The following GNAO1 variants were observed in gnomAD, a reference collection of about 807,000 sequenced individuals.
The protein encoded by GNAO1 is G protein subunit alpha o1.
For missense variants in GNAO1, 166 were observed against 478.7 expected, an observed-to-expected ratio of 0.35 and a Z score of 6.10; for synonymous variants, 164 against 180.7, an observed-to-expected ratio of 0.91 and a Z score of 0.74.
At position 56,312,287 on chromosome 16, in the gene GNAO1, G is replaced by A. The variant is rs571033092; in HGVS notation, c.304-16344G>A. Among the ~76,000 whole-genome samples, 17 of 152,294 alleles carry A rather than the reference G, an allele frequency of 1.1e-4. No homozygotes were observed. In the East Asian group the frequency reaches 1.3e-3, roughly 12 times the overall value. On this transcript the variant is annotated intron_variant, in intron 3 of 8. Transcript: ENST00000262493. ...AAGTCTCATAACCCATCTGATCTTC[G>A]GTTTGTCTGAGTATAAAATGGGGGA...
At chr16:56,255,641 G>A (rs970441468) in intron 2 of GNAO1, 1 of 152,084 alleles carries the variant, frequency 6.6e-6, no homozygotes, top group East Asian at 1.9e-4. Context: ...AACTGTGTGA[G>A]CCTTTTCAAT....
chr16:56,345,038 G>A (rs901648047), intron 6 of GNAO1: 1 of 985,422 alleles, frequency 1.0e-6, no homozygotes, highest in Non-Finnish European at 1.2e-6. Flanking sequence ...TTGGACCCAG[G>A]CCAGCACAAA....
rs573162259 is a variant in GNAO1 at position 56,333,813 on chromosome 16, C to T, written c.465-916C>T. Among the ~76,000 whole-genome samples, 32 of 152,382 alleles carry T rather than the reference C, an allele frequency of 2.1e-4. No individual in the cohort carries two copies. In the East Asian group the frequency reaches 4.6e-3, roughly 22 times the overall value. On this transcript the variant is annotated intron_variant, in intron 4 of 8. Coordinates refer to ENST00000262493, the MANE Select transcript of GNAO1 (RefSeq NM_020988.3). ...TTCTGTGGTTCAGACACTTGGGGCT[C>T]CTCCCTGTGGGCTGCTTGTGGTTTG... is the stretch of plus-strand genomic sequence containing the variant.
chr16:56,355,067 A>T lies in GNAO1; in HGVS notation c.*14A>T. ...GGCTTGTACTGACCTCTTGTCCTGT[A>T]TAGCAACCTATTTGGTAATGATTCC... On this transcript the variant is annotated 3_prime_UTR_variant, in exon 8 of 9. Coordinates refer to ENST00000262493, the MANE Select transcript of GNAO1 (RefSeq NM_020988.3). 1 of 1,577,522 alleles carries T rather than the reference A, an allele frequency of 6.3e-7. No individual in the cohort carries two copies. Among genetic ancestry groups the T allele is most frequent in the Non-Finnish European group, 8.7e-7 (1 of 1,150,528 alleles).
chr16:56,312,120 C>A (rs551566430), intron 3 of GNAO1, among the ~76,000 whole-genome samples: 3 of 152,146 alleles, frequency 2.0e-5, no homozygotes, highest in Non-Finnish European at 4.4e-5. Context: ...CTCCTACTCA[C>A]GGGCCTCCAT....
At chr16:56,309,270 C>G (rs1254712761) in intron 3 of GNAO1, among the ~76,000 whole-genome samples, 1 of 152,112 alleles carries the variant, frequency 6.6e-6, no homozygotes, top group Non-Finnish European at 1.5e-5. Context: ...CCTGGGCTCC[C>G]TGCAACTGTG....
chr16:56,317,335 C>T (rs886611188), intron 3 of GNAO1, among the ~76,000 whole-genome samples: 24 of 152,202 alleles, frequency 1.6e-4, no homozygotes, highest in African/African-American at 5.8e-4. Context: ...GGCTGCTCTC[C>T]CTCCACCCCG....
intron 3 of GNAO1, among the ~76,000 whole-genome samples, chr16:56,312,449 A>G (rs1388866962): frequency 6.6e-6 from 1 of 152,132 alleles, no homozygotes; most frequent in Non-Finnish European, 1.5e-5. Flanking sequence ...TTGTCTGTCT[A>G]TCTGAGTCCC....
At chr16:56,338,579 A>G (rs1000881388) in intron 6 of GNAO1, among the ~76,000 whole-genome samples, 1 of 152,134 alleles carries the variant, frequency 6.6e-6, no homozygotes, top group Admixed American at 6.5e-5. Context: ...TTTCAAAGAG[A>G]GCAAAGGAGC....
intron 2 of GNAO1, among the ~76,000 whole-genome samples, chr16:56,247,482 G>GTTTTTTTTTTT (rs61650674): frequency 8.4e-6 from 1 of 119,674 alleles, no homozygotes; most frequent in Non-Finnish European, 1.7e-5. Context: ...TTAGGGTGAG[G>GTTTTTTTTTTT]TTTTTTTTTT....
intron 3 of GNAO1, among the ~76,000 whole-genome samples, chr16:56,304,194 G>A (rs1043811933): frequency 2.0e-5 from 3 of 152,198 alleles, no homozygotes; most frequent in African/African-American, 7.2e-5. Flanking sequence ...CCTCACCGGG[G>A]AGAGCAGAGA....
rs560333820 is a variant in GNAO1, at chr16:56,311,010, T to C, written c.304-17621T>C. 6.6e-6 allele frequency among the ~76,000 whole-genome samples: 1 copy of C among 152,296 alleles called. No homozygotes were observed. The highest frequency in any genetic ancestry group is 2.1e-4 in the South Asian group (1 of 4,808). ...TTTCATTGATTTCAACTTAGTTACA[T>C]GGCAGGTTGTGGCCTACAGAAAAGT... On this transcript the variant is annotated intron_variant, in intron 3 of 8. Coordinates refer to ENST00000262493, the MANE Select transcript of GNAO1 (RefSeq NM_020988.3). The surrounding 1 kb of genome is among the most constrained non-coding windows in gnomAD (Gnocchi z 5.2).
chr16:56,219,116 A>G (rs2036461681), intron 2 of GNAO1, among the ~76,000 whole-genome samples: 1 of 152,218 alleles, frequency 6.6e-6, no homozygotes, highest in Admixed American at 6.5e-5. Flanking sequence ...ATCATGGGGC[A>G]TGACCACCTA....
chr16:56,198,073 C>A lies in GNAO1; in HGVS notation c.161+5457C>A, dbSNP rs182701908. Among the ~76,000 whole-genome samples the A allele has an allele frequency of 1.2e-3, 182 of 152,146 alleles. 1 individual carries two copies. Among genetic ancestry groups the A allele is most frequent in the Middle Eastern group, 3.4e-3 (1 of 294 alleles). ...AAAAAACAAAACAAAACAAAAAAAA[C>A]CACATTTTGGAAAGAGTTACCCTCA... On this transcript the variant is annotated intron_variant, in intron 2 of 8. Transcript: ENST00000262493.
chr16:56,315,560 C>T lies in GNAO1; in HGVS notation c.304-13071C>T, dbSNP rs1051468409. Among the ~76,000 whole-genome samples the T allele has an allele frequency of 9.9e-5, 15 of 152,232 alleles. No homozygotes were observed. In the East Asian group the frequency reaches 2.9e-3, roughly 29 times the overall value. On this transcript the variant is annotated intron_variant, in intron 3 of 8. Transcript: ENST00000262493. The stretch of plus-strand genomic sequence containing the variant: ...GGAGAGATACCCAGGAGGTGTAGAA[C>T]AGGGGTCTGGACCCACTGAGGGGAG...
intron 2 of GNAO1, among the ~76,000 whole-genome samples, chr16:56,239,351 A>G (rs2036672140): frequency 6.6e-6 from 1 of 152,218 alleles, no homozygotes; most frequent in African/African-American, 2.4e-5. Flanking sequence ...GAGAAAAAAG[A>G]CTTATGTTTT....
intron 3 of GNAO1, among the ~76,000 whole-genome samples, chr16:56,277,523 T>A (rs1173671125): frequency 6.6e-6 from 1 of 152,150 alleles, no homozygotes; most frequent in Non-Finnish European, 1.5e-5. Flanking sequence ...TTCTTCTTAA[T>A]AACAATAGTA....
intron 3 of GNAO1, 45 bp downstream of exon 3, chr16:56,276,117 G>C (rs776835586): frequency 6.4e-7 from 1 of 1,553,792 alleles, no homozygotes; most frequent in Non-Finnish European, 8.8e-7. Context: ...GGTTCTGTCT[G>C]TGTTACCCCA....
At chr16:56,327,548 C>T (rs542443346) in intron 3 of GNAO1, among the ~76,000 whole-genome samples, 37 of 152,232 alleles carry the variant, frequency 2.4e-4, no homozygotes, top group African/African-American at 8.9e-4. Flanking sequence ...CTCCCGTGTG[C>T]AAGGTGGCGG....
Sources: allele counts gnomAD v4.1 joint callset (sites outside exome capture counted in the v4.1 genomes callset), GRCh38; gene constraint gnomAD v4.1.1; non-coding constraint Gnocchi (gnomAD v3.1); transcripts MANE v1.5; gene names NCBI Gene and HGNC (gene_info 2026-07-23, HGNC 2026-07-21).